The following RAD52 variants were observed in gnomAD, a reference collection of about 807,000 sequenced individuals.
RAD52 encodes the protein RAD52 DNA repair protein.
A neutral mutation model predicts 55.5 loss-of-function variants in RAD52; 47 were observed. The ratio of observed to expected loss-of-function variants is 0.85; its 90% CI spans 0.67 to 1.08. The LOEUF is 1.08. Among genes scored for constraint, RAD52 ranks in the 50% least tolerant of loss-of-function variants. RAD52 has a pLI of 0.00. For synonymous variants in RAD52, 184 were observed against 198.9 expected, an observed-to-expected ratio of 0.92 and a Z score of 0.63; for missense variants, 468 against 522.8, an observed-to-expected ratio of 0.90 and a Z score of 1.02.
chr12:927,029 C>A (rs1592359848), intron 6 of RAD52, 116 bp downstream of exon 6: 1 of 1,524,400 alleles, frequency 6.6e-7, no homozygotes, highest in East Asian at 2.3e-5. Flanking sequence ...AATTACCTTC[C>A]ACGCTGCTTG....
intron 1 of RAD52, among the ~76,000 whole-genome samples, chr12:987,950 G>A (rs146372901): frequency 0.04 from 6,019 of 152,024 alleles, 136 homozygotes; most frequent in Middle Eastern, 0.075. Context: ...GATTACAGGC[G>A]CGAGCCACTG....
chr12:977,031 G>A (rs1300361916), intron 1 of RAD52: 1 of 152,466 alleles, frequency 6.6e-6, no homozygotes, highest in East Asian at 1.9e-4. Flanking sequence ...TGGCTCCACA[G>A]TCCTCGATCC....
At chr12:966,244 T>C (rs1021215827) in intron 1 of RAD52, among the ~76,000 whole-genome samples, 6 of 152,126 alleles carry the variant, frequency 3.9e-5, no homozygotes, top group Middle Eastern at 3.4e-3. Flanking sequence ...TGGGATTACA[T>C]GCGTGAGCCA....
In RAD52 at chr12:912,927, T is replaced by A. The variant is rs552243998; in HGVS notation, c.*464A>T. 16 of 199,302 alleles carry A rather than the reference T, an allele frequency of 8.0e-5. No homozygotes were observed. In the East Asian group the frequency reaches 1.3e-3, roughly 16 times the overall value. 12.3% of individuals were successfully genotyped at this position (199,302 alleles called of 1,614,324 possible). A position where few individuals can be genotyped will look rare whatever the true frequency, so the allele number is the denominator to read the frequency against. On this transcript the variant is annotated 3_prime_UTR_variant, in exon 12 of 12. Coordinates refer to ENST00000358495, the MANE Select transcript of RAD52 (RefSeq NM_134424.4). ...CACTGCTCCAACCTTTTTCCTGTCG[T>A]GATCCACAGTGCTTAATGTGGGCAA...
At chr12:983,830 G>A (rs562501541) in intron 1 of RAD52, among the ~76,000 whole-genome samples, 2 of 152,232 alleles carry the variant, frequency 1.3e-5, no homozygotes, top group South Asian at 2.1e-4. Flanking sequence ...CCATTCTTAT[G>A]ACTTATTTAA....
rs1565646053 is a variant in RAD52 at position 915,720 on chromosome 12, G to GT, written c.865+623dup. Among the ~76,000 whole-genome samples the GT allele has an allele frequency of 9.8e-5, 5 of 50,846 alleles. No homozygotes were observed. The Admixed American group carries it at 1.0e-3, about 11-fold the overall frequency. 33.4% of individuals were successfully genotyped at this position (50,846 alleles called of 152,430 possible). On this transcript the variant is annotated intron_variant, in intron 9 of 11. Transcript: ENST00000358495. Reference sequence around the variant, plus strand: ...GAAACACAAGGCTTGTTTTTTTTTTGTTTTGTTTTTGTTTTGAGACAGGGT... The same window carrying GT: ...GAAACACAAGGCTTGTTTTTTTTTTGTTTTTGTTTTTGTTTTGAGACAGGGT...
chr12:914,646 C>T (rs971488897), intron 9 of RAD52, 114 bp from the exon 10 acceptor site: 62 of 1,249,838 alleles, frequency 5.0e-5, no homozygotes, highest in Middle Eastern at 2.6e-4. Context: ...AGCACAACAC[C>T]GCTTAGGGCT....
chr12:939,085 T>TGTGTGTGTGTGTGTGTAG (rs57206780), intron 1 of RAD52, among the ~76,000 whole-genome samples: 4,080 of 144,560 alleles, frequency 0.028, 87 homozygotes, highest in Middle Eastern at 0.049. Context: ...TGTGTGTGTG[T>TGTGTGTGTGTGTGTGTAG]AGAGAGAGAG....
In RAD52 at chr12:916,376, C is replaced by T. The variant is rs1023065435; in HGVS notation, c.833G>A (p.Arg278Gln). The change falls in exon 9 of 12, where the codon CGA (arginine) becomes CAA (glutamine). Residue 278 changes from arginine (R) to glutamine (Q), a missense_variant. Coordinates refer to ENST00000358495, the MANE Select transcript of RAD52 (RefSeq NM_134424.4). The stretch of plus-strand genomic sequence containing the variant: ...CTTCTCAGCTGACGGCGTGGAGACT[C>T]GAACCTGCTGCTTCTCCATCCGCTC... ...FRERMEKQQV[R>Q]VSTPSAEKSE... The T allele has an allele frequency of 5.6e-6, 9 of 1,608,230 alleles. No individual in the cohort carries two copies. Among genetic ancestry groups the T allele is most frequent in the Non-Finnish European group, 7.6e-6 (9 of 1,179,866 alleles).
upstream of RAD52, among the ~76,000 whole-genome samples, chr12:950,309 G>C (rs1039527473): frequency 6.6e-6 from 1 of 151,890 alleles, no homozygotes; most frequent in African/African-American, 2.4e-5. Flanking sequence ...TGGTGGCTCA[G>C]GCCTGTAATC....
At chr12:976,138 T>C (rs945799067) in intron 1 of RAD52, 13 of 152,136 alleles carry the variant, frequency 8.5e-5, no homozygotes, top group Admixed American at 1.3e-4. Context: ...GCCCATATGG[T>C]GAAACCCCGT....
intron 1 of RAD52, among the ~76,000 whole-genome samples, chr12:936,484 G>C (rs199618331): frequency 3.1e-5 from 1 of 32,064 alleles, no homozygotes; most frequent in Admixed American, 3.7e-4. Flanking sequence ...CATTATAAAA[G>C]TAAAAAAAAA....
At chr12:932,928 T>C (rs1261887050) in intron 2 of RAD52, 47 bp downstream of exon 2, 6 of 1,580,362 alleles carry the variant, frequency 3.8e-6, no homozygotes, top group Non-Finnish European at 5.2e-6. Context: ...GCCCTAACTT[T>C]ACTCACTTCA....
At chr12:914,564 C>T (rs1207346375) in intron 9 of RAD52, 32 bp from the exon 10 acceptor site, 1 of 1,611,042 alleles carries the variant, frequency 6.2e-7, no homozygotes, top group Non-Finnish European at 8.5e-7. Context: ...AAGGACAAGT[C>T]ATCATCACAT....
At chr12:915,799 C>A (rs1016362473) in intron 9 of RAD52, among the ~76,000 whole-genome samples, 1 of 151,986 alleles carries the variant, frequency 6.6e-6, no homozygotes, top group South Asian at 2.1e-4. Context: ...TTCACTGCAA[C>A]CTCTGCCTTC....
At position 968,716 on chromosome 12, in the gene RAD52, G is replaced by A. The variant is rs1051751726; in HGVS notation, c.-19+21093C>T. ...TCAACTCATTGTGGGAATCCACAAA[G>A]CAGCATATGCATAGGGCTGTGTGCA... On this transcript the variant is annotated intron_variant, in intron 1 of 11. Transcript: ENST00000430095. Among the ~76,000 whole-genome samples, 5 of 152,186 alleles carry A rather than the reference G, an allele frequency of 3.3e-5. No homozygotes were observed. In the East Asian group the frequency reaches 7.7e-4, roughly 24 times the overall value.
intron 1 of RAD52, among the ~76,000 whole-genome samples, chr12:977,508 C>A (rs1272990938): frequency 2.6e-5 from 4 of 152,194 alleles, no homozygotes; most frequent in Non-Finnish European, 5.9e-5. Flanking sequence ...CCCAAGATGT[C>A]TCCTGTTTAT....
rs1399609496 is a variant in RAD52, at chr12:930,120, C to A, written c.211G>T (p.Val71Leu). ...AACATCTCATTGGCCAGATTAATTA[C>A]CCGATGACCCTCAATGTAGCACACC... ...QKVCYIEGHRVINLANEMFGY... is the reference protein window; with the variant it reads ...QKVCYIEGHRLINLANEMFGY... Residue 71 changes from valine to leucine, a missense_variant, in exon 4 of 12, where the codon GTA (valine) becomes TTA (leucine). Val to Leu is a conservative substitution (Grantham distance 32, BLOSUM62 1). Transcript: ENST00000358495. 1.2e-6 allele frequency: 2 copies of A among 1,613,784 alleles called. No individual in the cohort carries two copies. Among genetic ancestry groups the A allele is most frequent in the African/African-American group, 2.7e-5 (2 of 74,922 alleles).
At chr12:918,192 A>T (rs1474025021) in intron 7 of RAD52, among the ~76,000 whole-genome samples, 1 of 152,230 alleles carries the variant, frequency 6.6e-6, no homozygotes, top group African/African-American at 2.4e-5. Flanking sequence ...CACAAGCTAC[A>T]AAAACCAAAA....
Sources: allele counts gnomAD v4.1 joint callset (sites outside exome capture counted in the v4.1 genomes callset), GRCh38; gene constraint gnomAD v4.1.1; transcripts MANE v1.5; gene names NCBI Gene and HGNC (gene_info 2026-07-23, HGNC 2026-07-21).